Variants in CPAP observed in about 807,000 individuals in gnomAD.
The protein encoded by CPAP is centrosomal P4.1-associated protein.
At chr13:24,910,470 C>T in the CPAP span, among the ~76,000 whole-genome samples, 6 of 152,318 alleles carry the variant, frequency 3.9e-5, no homozygotes, top group Admixed American at 6.5e-5. Context: ...GGTGATCTGC[C>T]GGCCTTGGCC....
the CPAP span, chr13:24,899,559 G>C: frequency 3.1e-6 from 5 of 1,613,548 alleles, no homozygotes; most frequent in Admixed American, 8.3e-5. Flanking sequence ...TTTGCTTTCT[G>C]TTGTTCGAAG....
chr13:24,886,260 G>T, the CPAP span: 1 of 1,255,334 alleles, frequency 8.0e-7, no homozygotes, highest in East Asian at 5.6e-5. Context: ...GCAAGTGCCA[G>T]AATCTGACCT....
At chr13:24,931,902 C>A in the CPAP span, among the ~76,000 whole-genome samples, 5 of 152,224 alleles carry the variant, frequency 3.3e-5, no homozygotes, top group African/African-American at 9.6e-5. Flanking sequence ...GATTTATCCT[C>A]ATTGGCTAAA....
At chr13:24,891,812 C>G in the CPAP span, among the ~76,000 whole-genome samples, 1 of 152,184 alleles carries the variant, frequency 6.6e-6, no homozygotes, top group African/African-American at 2.4e-5. Flanking sequence ...CATCCACCAC[C>G]CACTGTCCCA....
chr13:24,910,756 T>C, the CPAP span, among the ~76,000 whole-genome samples: 1 of 152,250 alleles, frequency 6.6e-6, no homozygotes, highest in African/African-American at 2.4e-5. Flanking sequence ...TTTAAAAGTA[T>C]CACAGCTGTT....
the CPAP span, chr13:24,907,142 T>C: frequency 1.2e-6 from 2 of 1,613,994 alleles, no homozygotes; most frequent in Middle Eastern, 1.7e-4. Context: ...TTTGTTCTTC[T>C]AAGTAATCTT....
the CPAP span, among the ~76,000 whole-genome samples, chr13:24,916,249 G>A: frequency 6.6e-6 from 1 of 152,036 alleles, no homozygotes; most frequent in Admixed American, 6.6e-5. Flanking sequence ...TACTGAAGTG[G>A]AATAACATCT....
chr13:24,884,925 C>T, the CPAP span, among the ~76,000 whole-genome samples: 15 of 152,188 alleles, frequency 9.9e-5, no homozygotes, highest in African/African-American at 3.1e-4. Flanking sequence ...TAGCTGGAAC[C>T]CCCAGGCAGT....
chr13:24,911,772 C>T, the CPAP span, among the ~76,000 whole-genome samples: 1 of 151,788 alleles, frequency 6.6e-6, no homozygotes, highest in Non-Finnish European at 1.5e-5. Flanking sequence ...CAGAATGCGG[C>T]AGCTCCTTCT....
At chr13:24,886,506 A>G in the CPAP span, 1 of 497,172 alleles carries the variant, frequency 2.0e-6, no homozygotes, top group Non-Finnish European at 3.7e-6. Context: ...AAATAACATC[A>G]GAGGGATCAG....
the CPAP span, chr13:24,883,953 G>A: frequency 1.9e-6 from 3 of 1,614,024 alleles, no homozygotes; most frequent in Admixed American, 1.7e-5. Context: ...TGAACATAAT[G>A]TTGCCATACC....
At chr13:24,906,253 T>G in the CPAP span, 9 of 1,604,104 alleles carry the variant, frequency 5.6e-6, no homozygotes, top group Non-Finnish European at 7.7e-6. Context: ...TCAGTACAAA[T>G]GAGGAATTAC....
the CPAP span, among the ~76,000 whole-genome samples, chr13:24,915,877 T>C: frequency 6.6e-6 from 1 of 152,130 alleles, no homozygotes; most frequent in Admixed American, 6.5e-5. Context: ...GTGATGAAAG[T>C]GTTTCGAGGA....
At chr13:24,912,687 A>G in the CPAP span, 3 of 1,614,168 alleles carry the variant, frequency 1.9e-6, no homozygotes, top group African/African-American at 4.0e-5. Flanking sequence ...GTCCAGGAGC[A>G]CTGTGACATG....
chr13:24,885,624 G>GT, the CPAP span: 1 of 1,611,194 alleles, frequency 6.2e-7, no homozygotes, highest in Non-Finnish European at 8.5e-7. Flanking sequence ...TATCCAAATT[G>GT]CCTAAATCAC....
the CPAP span, among the ~76,000 whole-genome samples, chr13:24,925,520 G>A: frequency 2.6e-5 from 4 of 152,160 alleles, no homozygotes; most frequent in African/African-American, 9.6e-5. Context: ...TGAGGCAGGA[G>A]GATCACTTCA....
the CPAP span, chr13:24,885,751 C>CACAGG: frequency 1.1e-5 from 11 of 989,716 alleles, no homozygotes; most frequent in African/African-American, 1.6e-5. Flanking sequence ...TTCCTTAGTT[C>CACAGG]ATATCCTGTG....
chr13:24,890,980 T>C, the CPAP span, among the ~76,000 whole-genome samples: 3 of 151,692 alleles, frequency 2.0e-5, no homozygotes, highest in Non-Finnish European at 4.4e-5. Context: ...AAAAAAAAAA[T>C]TCCCCTATGG....
chr13:24,902,969 C>T, the CPAP span, among the ~76,000 whole-genome samples: 18 of 152,210 alleles, frequency 1.2e-4, no homozygotes, highest in Admixed American at 2.0e-4. Context: ...CATATAATAT[C>T]CCCAACAAGA....
Sources: gnomAD v4.1 joint callset for allele counts (sites outside exome capture counted in the v4.1 genomes callset) on GRCh38, gnomAD v4.1.1 for gene constraint, MANE v1.5 for transcripts, NCBI Gene and HGNC (gene_info 2026-07-23, HGNC 2026-07-21) for gene names.